The following FOCAD variants were observed in gnomAD, a reference collection of about 807,000 sequenced individuals.
FOCAD encodes the protein focadhesin.
FOCAD carries 198 observed loss-of-function variants against 225.6 expected under a neutral mutation model. That is an observed-to-expected ratio of 0.88 (90% CI 0.78 to 0.99). FOCAD has a LOEUF of 0.99. Ranked by LOEUF, FOCAD falls within the 50% of genes least tolerant of loss-of-function variation. The pLI is 0.00. For synonymous variants in FOCAD, 897 were observed against 755.0 expected (o/e 1.19, Z -3.08); for missense variants, 2,713 against 2,123.6 (o/e 1.28, Z -5.46).
intron 18 of FOCAD, among the ~76,000 whole-genome samples, chr9:20,868,861 C>T (rs1829515776): frequency 6.6e-6 from 1 of 152,110 alleles, no homozygotes; most frequent in African/African-American, 2.4e-5. Context: ...GCTTCTGATA[C>T]TGAGGACCTA....
intron 28 of FOCAD, among the ~76,000 whole-genome samples, 183 bp downstream of exon 28, chr9:20,933,286 GC>G (rs941074717): frequency 1.6e-4 from 24 of 152,222 alleles, no homozygotes; most frequent in African/African-American, 5.8e-4. Context: ...AGATTTTGGT[GC>G]CCCCATCACC....
chr9:20,705,846 A>C (rs962543263), intron 1 of FOCAD, among the ~76,000 whole-genome samples: 5 of 151,928 alleles, frequency 3.3e-5, no homozygotes, highest in South Asian at 4.1e-4. Context: ...TTTAGCATAT[A>C]CATATCCATA....
chr9:20,733,850 A>T (rs1183183042), intron 4 of FOCAD, among the ~76,000 whole-genome samples: 1 of 152,014 alleles, frequency 6.6e-6, no homozygotes, highest in African/African-American at 2.4e-5. Context: ...AAAAATAAAA[A>T]ATTAGCCAGG....
chr9:20,853,880 G>A (rs1369759611), intron 15 of FOCAD, among the ~76,000 whole-genome samples: 1 of 151,674 alleles, frequency 6.6e-6, no homozygotes, highest in Non-Finnish European at 1.5e-5. Flanking sequence ...AAGAAAGAAT[G>A]TTATTTTTCT....
intron 35 of FOCAD, among the ~76,000 whole-genome samples, chr9:20,972,372 T>C (rs1839841371): frequency 6.6e-6 from 1 of 152,180 alleles, no homozygotes; most frequent in South Asian, 2.1e-4. Flanking sequence ...GGTTTTGATT[T>C]GGTTTGGTTT....
At chr9:20,669,536 A>G (rs930085718) in intron 2 of FOCAD, among the ~76,000 whole-genome samples, 1 of 152,218 alleles carries the variant, frequency 6.6e-6, no homozygotes, top group Non-Finnish European at 1.5e-5. Flanking sequence ...GCAGTTTGGG[A>G]GGCCGAGGCG....
At chr9:20,684,043 C>G (rs1822499827), upstream of FOCAD, 1 of 152,420 alleles carries the variant, frequency 6.6e-6, no homozygotes, top group Non-Finnish European at 1.5e-5. Context: ...GCAGCCCTCC[C>G]CGCACCAGCT....
intron 6 of FOCAD, among the ~76,000 whole-genome samples, chr9:20,761,713 C>T (rs538767815): frequency 6.6e-6 from 1 of 152,162 alleles, no homozygotes; most frequent in Admixed American, 6.5e-5. Context: ...AGCCACCGTG[C>T]CTGGCCCAAG....
At chr9:20,992,519 G>A (rs1841758798) in intron 42 of FOCAD, among the ~76,000 whole-genome samples, 1 of 152,198 alleles carries the variant, frequency 6.6e-6, no homozygotes, top group South Asian at 2.1e-4. Context: ...GAAGCCAAGT[G>A]TACTTGGGTT....
chr9:20,778,583 G>T, intron 8 of FOCAD, 98 bp from the exon 9 acceptor site: 1 of 650,660 alleles, frequency 1.5e-6, no homozygotes. Flanking sequence ...TAGGCTTGCA[G>T]TCTTTCATAT....
chr9:20,831,969 G>C (rs1420261434), intron 15 of FOCAD, among the ~76,000 whole-genome samples: 1 of 151,902 alleles, frequency 6.6e-6, no homozygotes, highest in African/African-American at 2.4e-5. Flanking sequence ...CTTTGTGTTT[G>C]GTTTTTCAAT....
intron 21 of FOCAD, among the ~76,000 whole-genome samples, chr9:20,898,496 A>C (rs928806151): frequency 6.6e-6 from 1 of 151,860 alleles, no homozygotes. Flanking sequence ...TTATCTCCTC[A>C]GTTGTGTCCA....
intron 11 of FOCAD, among the ~76,000 whole-genome samples, chr9:20,794,830 C>G (rs1820887783): frequency 2.0e-5 from 3 of 151,888 alleles, no homozygotes; most frequent in Admixed American, 2.0e-4. Flanking sequence ...ATATTTCTTC[C>G]CATTATTCTG....
intron 24 of FOCAD, 136 bp downstream of exon 24, chr9:20,917,073 T>G: frequency 1.5e-6 from 1 of 655,428 alleles, no homozygotes; most frequent in South Asian, 2.3e-5. Context: ...TTTAAAAAAT[T>G]AATCGTTACC....
intron 15 of FOCAD, among the ~76,000 whole-genome samples, chr9:20,830,270 CTT>C (rs1294666277): frequency 1.3e-5 from 2 of 151,906 alleles, no homozygotes; most frequent in East Asian, 1.9e-4. Context: ...ATTATTAAGA[CTT>C]TGCCTAAAGG....
chr9:20,847,663 A>G (rs1248913688), intron 15 of FOCAD, among the ~76,000 whole-genome samples: 1 of 152,076 alleles, frequency 6.6e-6, no homozygotes, highest in African/African-American at 2.4e-5. Context: ...TTGGAATTAT[A>G]TTAGGTTTTC....
chr9:20,659,322 G>A (rs368211778), intron 2 of FOCAD, among the ~76,000 whole-genome samples: 1 of 150,030 alleles, frequency 6.7e-6, no homozygotes. Context: ...CATGAGAATC[G>A]CCTGAACATG....
Position 20,746,704 on chromosome 9 carries a change from T to C in FOCAD, c.392+6364T>C, listed in dbSNP as rs976946928. Reference sequence around the variant, plus strand: ...TATAACCAGAATATAAAATTGAACATTGATATAATACTTTTTATAACATAC... The same window carrying C: ...TATAACCAGAATATAAAATTGAACACTGATATAATACTTTTTATAACATAC... On this transcript the variant is annotated intron_variant, in intron 5 of 43. Transcript: ENST00000338382. 3.9e-5 allele frequency among the ~76,000 whole-genome samples: 6 copies of C among 152,210 alleles called. No individual in the cohort carries two copies. In the East Asian group the frequency reaches 1.2e-3, roughly 29 times the overall value.
chr9:20,993,879 T>G (rs1841866317), intron 43 of FOCAD, among the ~76,000 whole-genome samples: 1 of 152,196 alleles, frequency 6.6e-6, no homozygotes, highest in Admixed American at 6.5e-5. Flanking sequence ...ATGGTAATAG[T>G]AAAATATTCT....
Sources: gnomAD v4.1 joint callset for allele counts (sites outside exome capture counted in the v4.1 genomes callset) on GRCh38, gnomAD v4.1.1 for gene constraint, MANE v1.5 for transcripts, NCBI Gene and HGNC (gene_info 2026-07-23, HGNC 2026-07-21) for gene names.